Variants in EFCAB11 observed in about 807,000 individuals in gnomAD.
The protein encoded by EFCAB11 is EF-hand calcium-binding domain-containing protein 11.
EFCAB11 carries 14 observed loss-of-function variants against 23.0 expected under a neutral mutation model. The ratio of observed to expected loss-of-function variants is 0.61; its 90% confidence interval spans 0.40 to 0.95. The LOEUF (loss-of-function observed/expected upper bound fraction) is 0.95. Among genes scored for constraint, EFCAB11 ranks in the 40% least tolerant of loss-of-function variants. EFCAB11 has a pLI of 0.00. For synonymous variants in EFCAB11, 65 were observed against 66.6 expected, an observed-to-expected ratio of 0.98 and a Z score of 0.11; for missense variants, 198 against 195.8, an observed-to-expected ratio of 1.01 and a Z score of -0.07.
At chr14:89,819,849 T>C (rs2140100198) in intron 5 of EFCAB11, among the ~76,000 whole-genome samples, 1 of 152,306 alleles carries the variant, frequency 6.6e-6, no homozygotes, top group African/African-American at 2.4e-5. Context: ...ATATATGTAG[T>C]TTATTACACA....
At chr14:89,932,652 T>G in intron 3 of EFCAB11, 25 bp from the exon 4 acceptor site, 2 of 1,560,660 alleles carry the variant, frequency 1.3e-6, no homozygotes, top group Non-Finnish European at 1.8e-6. Flanking sequence ...AAAAACAATT[T>G]GTCAAAGATT....
intron 5 of EFCAB11, among the ~76,000 whole-genome samples, chr14:89,928,968 T>C (rs1033783027): frequency 1.1e-4 from 16 of 148,572 alleles, no homozygotes; most frequent in African/African-American, 3.7e-4. Context: ...TATAATTCAA[T>C]AGCTTTAATA....
chr14:89,804,882 T>C (rs1025034213), intron 5 of EFCAB11, among the ~76,000 whole-genome samples: 15 of 152,206 alleles, frequency 9.9e-5, no homozygotes, highest in African/African-American at 3.6e-4. Context: ...CTAATATACA[T>C]GTCTTATTAA....
chr14:89,895,942 G>A (rs1325949470), intron 5 of EFCAB11, among the ~76,000 whole-genome samples: 1 of 152,136 alleles, frequency 6.6e-6, no homozygotes, highest in Non-Finnish European at 1.5e-5. Context: ...AATAGAAGAT[G>A]CAATCGAAAA....
Position 89,885,765 on chromosome 14 carries a change from AAGAAAGAAAGAAAGAG to A in EFCAB11, c.410+45760_410+45775del, listed in dbSNP as rs1224693400. On this transcript the variant is annotated intron_variant, in intron 5 of 5. Transcript: ENST00000316738. ...AGAAAGAAAGGAAAGAAAGGAAAGA[AAGAAAGAAAGAAAGAG>A]AGAAAGAAAGAAAGAAGACAGCAAC... 1.2e-3 allele frequency among the ~76,000 whole-genome samples: 182 copies of A among 151,048 alleles called. 1 individual carries two copies. The highest frequency in any genetic ancestry group is 6.9e-3 in the Middle Eastern group (2 of 290).
Position 89,896,252 on chromosome 14 carries a change from C to T in EFCAB11, c.410+35289G>A, listed in dbSNP as rs113026256. 2.1e-3 allele frequency among the ~76,000 whole-genome samples: 324 copies of T among 152,190 alleles called. 1 individual carries two copies. The highest frequency in any genetic ancestry group is 7.4e-3 in the African/African-American group (307 of 41,520). The stretch of plus-strand genomic sequence containing the variant: ...ACAAAAAATTAGCCGGGCGTGGCGG[C>T]GGACCCCTGTAGTCCCAGCTACTCA... On this transcript the variant is annotated intron_variant, in intron 5 of 5. Coordinates refer to ENST00000316738, the MANE Select transcript of EFCAB11 (RefSeq NM_145231.4).
intron 5 of EFCAB11, among the ~76,000 whole-genome samples, chr14:89,881,706 A>T (rs1000694267): frequency 2.4e-4 from 36 of 151,406 alleles, no homozygotes; most frequent in Non-Finnish European, 3.8e-4. Flanking sequence ...CCTTGGCCTC[A>T]CAAAGTGCTG....
At chr14:89,823,586 GA>G (rs1195024991) in intron 5 of EFCAB11, among the ~76,000 whole-genome samples, 1 of 152,152 alleles carries the variant, frequency 6.6e-6, no homozygotes, top group African/African-American at 2.4e-5. Flanking sequence ...TAAGAAGCTG[GA>G]AAATGTGACC....
rs148025883 is a variant in EFCAB11 at position 89,830,107 on chromosome 14, G to A, written c.411-32783C>T. 517 of 152,114 alleles carry A rather than the reference G, an allele frequency of 3.4e-3. 3 individuals are homozygous for A. The highest frequency in any genetic ancestry group is 0.012 in the African/African-American group (487 of 41,496). The allele number at this position is 152,114 out of a possible 1,614,324, so 9.4% of individuals were successfully genotyped here. A position where few individuals can be genotyped will look rare whatever the true frequency, so the allele number is the denominator to read the frequency against. On this transcript the variant is annotated intron_variant, in intron 5 of 5. Coordinates refer to ENST00000316738, the MANE Select transcript of EFCAB11 (RefSeq NM_145231.4). ...TTTTGTATCATTATTAAAATAAAGC[G>A]TAGAAATTATTTAGATATACCTTAT...
intron 5 of EFCAB11, among the ~76,000 whole-genome samples, chr14:89,894,016 G>A (rs1345264077): frequency 6.6e-6 from 1 of 151,396 alleles, no homozygotes; most frequent in African/African-American, 2.4e-5. Context: ...GTCTCTCTCT[G>A]TCGCCCAGGC....
At chr14:89,864,942 A>G (rs1888037152) in intron 5 of EFCAB11, among the ~76,000 whole-genome samples, 1 of 152,192 alleles carries the variant, frequency 6.6e-6, no homozygotes, top group Non-Finnish European at 1.5e-5. Flanking sequence ...CTCAGTGACT[A>G]GTTCTCAGAT....
At chr14:89,915,977 C>T (rs1889827317) in intron 5 of EFCAB11, among the ~76,000 whole-genome samples, 1 of 151,880 alleles carries the variant, frequency 6.6e-6, no homozygotes, top group African/African-American at 2.4e-5. Flanking sequence ...GCTATCTAGC[C>T]ATCCTTCCTG....
At chr14:89,813,732 C>T (rs1323928120) in intron 5 of EFCAB11, among the ~76,000 whole-genome samples, 3 of 151,048 alleles carry the variant, frequency 2.0e-5, no homozygotes, top group African/African-American at 4.9e-5. Context: ...CCATTGCGTG[C>T]AGCTGATAGC....
intron 5 of EFCAB11, among the ~76,000 whole-genome samples, chr14:89,856,190 CTCT>C (rs1157731429): frequency 1.0e-4 from 8 of 78,906 alleles, no homozygotes; most frequent in African/African-American, 2.3e-4. Flanking sequence ...CTCTCTCTCT[CTCT>C]TTTTTTTTTT....
chr14:89,919,204 CA>C (rs1889945068), intron 5 of EFCAB11, among the ~76,000 whole-genome samples: 1 of 147,654 alleles, frequency 6.8e-6, no homozygotes, highest in African/African-American at 2.5e-5. Flanking sequence ...GAGAGAGAGA[CA>C]GAGAGAGAGA....
intron 5 of EFCAB11, among the ~76,000 whole-genome samples, chr14:89,920,192 A>T (rs1889978832): frequency 6.6e-6 from 1 of 152,210 alleles, no homozygotes; most frequent in Non-Finnish European, 1.5e-5. Context: ...CTACAGTTTG[A>T]TGGATATAAA....
intron 3 of EFCAB11, among the ~76,000 whole-genome samples, chr14:89,948,591 G>A (rs1333251180): frequency 6.6e-6 from 1 of 152,220 alleles, no homozygotes; most frequent in African/African-American, 2.4e-5. Flanking sequence ...AAGACTCAGT[G>A]TCCATCAACA....
intron 5 of EFCAB11, among the ~76,000 whole-genome samples, chr14:89,886,529 AAAAAAAAAAAAAAAAG>A (rs1366871804): frequency 1.4e-5 from 2 of 142,156 alleles, no homozygotes; most frequent in African/African-American, 2.7e-5. Flanking sequence ...AAAAAAAAAA[AAAAAAAAAAAAAAAAG>A]GAAAGTGATC....
intron 5 of EFCAB11, among the ~76,000 whole-genome samples, chr14:89,803,598 C>A (rs1187061363): frequency 1.3e-5 from 2 of 152,194 alleles, no homozygotes; most frequent in East Asian, 3.8e-4. Flanking sequence ...AGGGAGAGAG[C>A]AGCTTTTTCT....
Sources: gnomAD v4.1 joint callset for allele counts (sites outside exome capture counted in the v4.1 genomes callset) on GRCh38, gnomAD v4.1.1 for gene constraint, MANE v1.5 for transcripts, NCBI Gene and HGNC (gene_info 2026-07-23, HGNC 2026-07-21) for gene names.